NR2F1-AS1: variants seen among roughly 807,000 people sequenced by gnomAD.
The protein encoded by NR2F1-AS1 is NR2F1 regulatory antisense RNA 1.
intron 4 of NR2F1-AS1, among the ~76,000 whole-genome samples, chr5:93,494,629 T>C (rs1002192172): frequency 2.6e-5 from 4 of 152,006 alleles, no homozygotes; most frequent in Non-Finnish European, 4.4e-5. Context: ...GAAGAAAAAG[T>C]TGGCAACGAT....
chr5:93,444,753 C>T (rs1012687893), intron 4 of NR2F1-AS1, among the ~76,000 whole-genome samples: 12 of 152,190 alleles, frequency 7.9e-5, no homozygotes, highest in African/African-American at 2.7e-4. Flanking sequence ...ATACATTCTT[C>T]TCAGCACCAC....
rs1749070517 is a variant in NR2F1-AS1 at position 93,420,678 on chromosome 5, T to C, written n.639-25136A>G. ...GAGTCTAAACATAGTGATAGAGTCATGGACATAAGTGAATGTGGCCACCTC... is the reference window on the plus strand; with the variant it reads ...GAGTCTAAACATAGTGATAGAGTCACGGACATAAGTGAATGTGGCCACCTC... On this transcript the variant is annotated intron_variant and non_coding_transcript_variant, in intron 4 of 5. Transcript: ENST00000660523. Among the ~76,000 whole-genome samples the C allele has an allele frequency of 2.6e-5, 4 of 152,144 alleles. No homozygotes were observed. The South Asian group carries it at 8.3e-4, about 32-fold the overall frequency.
chr5:93,416,865 A>G (rs1278064958), intron 4 of NR2F1-AS1, among the ~76,000 whole-genome samples: 2 of 152,230 alleles, frequency 1.3e-5, no homozygotes, highest in Non-Finnish European at 2.9e-5. Context: ...TTTATTTAAA[A>G]AAAAAGTATT....
At chr5:93,433,968 A>G (rs1749380337) in intron 4 of NR2F1-AS1, among the ~76,000 whole-genome samples, 1 of 152,156 alleles carries the variant, frequency 6.6e-6, no homozygotes. Context: ...CAGAGCCCTC[A>G]GGCCAAGTGT....
At chr5:93,553,706 G>A (rs532438726) in intron 4 of NR2F1-AS1, 26 of 152,232 alleles carry the variant, frequency 1.7e-4, no homozygotes, top group African/African-American at 6.0e-4. Context: ...ATAATGCTGC[G>A]AAGATAAAAT....
chr5:93,452,419 C>T (rs1318323329), intron 4 of NR2F1-AS1, among the ~76,000 whole-genome samples: 1 of 152,160 alleles, frequency 6.6e-6, no homozygotes, highest in Non-Finnish European at 1.5e-5. Flanking sequence ...GACTGCAGAG[C>T]AGAATCCACA....
At position 93,465,295 on chromosome 5, in the gene NR2F1-AS1, C is replaced by T. The variant is rs1012967735; in HGVS notation, n.639-69753G>A. On this transcript the variant is annotated intron_variant and non_coding_transcript_variant, in intron 4 of 5. Transcript: ENST00000660523. ...TGAACAGACACTTCTCAAAAGAAGACATTTATGCAGCCAACAGACACATCA... is the reference window on the plus strand; with the variant it reads ...TGAACAGACACTTCTCAAAAGAAGATATTTATGCAGCCAACAGACACATCA... Among the ~76,000 whole-genome samples, 4 of 152,334 alleles carry T rather than the reference C, an allele frequency of 2.6e-5. No individual in the cohort carries two copies. In the South Asian group the frequency reaches 8.3e-4, roughly 32 times the overall value.
chr5:93,423,970 G>A (rs938846690), intron 4 of NR2F1-AS1, among the ~76,000 whole-genome samples: 1 of 151,920 alleles, frequency 6.6e-6, no homozygotes, highest in Non-Finnish European at 1.5e-5. Context: ...AAGGATTGAG[G>A]AGCAGTATAG....
chr5:93,472,119 T>C (rs1245646887), intron 4 of NR2F1-AS1, among the ~76,000 whole-genome samples: 2 of 151,816 alleles, frequency 1.3e-5, no homozygotes, highest in Non-Finnish European at 3.0e-5. Flanking sequence ...AGCTGGTAAA[T>C]AGTGTTGCTA....
chr5:93,466,397 C>T (rs1032163887), intron 4 of NR2F1-AS1, among the ~76,000 whole-genome samples: 2 of 151,518 alleles, frequency 1.3e-5, no homozygotes, highest in African/African-American at 4.9e-5. Context: ...CAGTGGCGCA[C>T]TCAATCTCAG....
intron 1 of NR2F1-AS1, among the ~76,000 whole-genome samples, chr5:93,572,122 C>A (rs1300699275): frequency 1.3e-5 from 2 of 152,242 alleles, no homozygotes; most frequent in East Asian, 3.9e-4. Context: ...GGGTTCTGGA[C>A]AGACTTGGTC....
At chr5:93,477,626 T>A (rs1159558003) in intron 4 of NR2F1-AS1, among the ~76,000 whole-genome samples, 2 of 152,194 alleles carry the variant, frequency 1.3e-5, no homozygotes, top group Non-Finnish European at 2.9e-5. Flanking sequence ...CCACTTTTAT[T>A]CACTCACATC....
chr5:93,524,273 T>C (rs993531390), intron 4 of NR2F1-AS1, among the ~76,000 whole-genome samples: 13 of 151,668 alleles, frequency 8.6e-5, no homozygotes, highest in African/African-American at 2.7e-4. Flanking sequence ...GAAGATCAAC[T>C]TAATGAAAGA....
chr5:93,582,786 A>G (rs73772908), upstream of NR2F1-AS1, among the ~76,000 whole-genome samples: 14 of 44,348 alleles, frequency 3.2e-4, no homozygotes, highest in South Asian at 7.6e-4. Flanking sequence ...GTGTGTGTGT[A>G]TGTGTGTGTG....
intron 4 of NR2F1-AS1, among the ~76,000 whole-genome samples, chr5:93,553,366 C>A (rs1752277504): frequency 6.6e-6 from 1 of 152,050 alleles, no homozygotes; most frequent in South Asian, 2.1e-4. Flanking sequence ...GGATTACAGG[C>A]ATAAGCTACC....
At chr5:93,573,200 G>A (rs1752816166) in intron 1 of NR2F1-AS1, among the ~76,000 whole-genome samples, 2 of 152,208 alleles carry the variant, frequency 1.3e-5, no homozygotes, top group Admixed American at 6.5e-5. Flanking sequence ...GGGGGAGAGG[G>A]CAAACTAGTG....
intron 4 of NR2F1-AS1, among the ~76,000 whole-genome samples, chr5:93,434,914 A>G (rs932157662): frequency 1.3e-5 from 2 of 152,242 alleles, no homozygotes; most frequent in African/African-American, 2.4e-5. Flanking sequence ...ATCAGGAAGT[A>G]CATGATATTG....
intron 4 of NR2F1-AS1, among the ~76,000 whole-genome samples, chr5:93,513,745 A>C (rs2149892058): frequency 6.6e-6 from 1 of 152,170 alleles, no homozygotes; most frequent in Middle Eastern, 3.4e-3. Flanking sequence ...CACATCCCAA[A>C]CCTCAGCATC....
At position 93,572,433 on chromosome 5, in the gene NR2F1-AS1, T is replaced by G. The variant is rs1475104096; in HGVS notation, n.313+8034A>C. 3.3e-5 allele frequency among the ~76,000 whole-genome samples: 5 copies of G among 152,208 alleles called. No homozygotes were observed. The East Asian group carries it at 5.8e-4, about 18-fold the overall frequency. ...GGGCAGAGCCCAGGGAGAAGCGACA[T>G]GCCCCCGGCTCCGTGCTCCTCTTCG... On this transcript the variant is annotated intron_variant and non_coding_transcript_variant, in intron 1 of 5. Coordinates refer to ENST00000660523, the Ensembl canonical transcript of NR2F1-AS1.
Sources: gnomAD v4.1 joint callset for allele counts (sites outside exome capture counted in the v4.1 genomes callset) on GRCh38, gnomAD v4.1.1 for gene constraint, MANE v1.5 for transcripts, NCBI Gene and HGNC (gene_info 2026-07-23, HGNC 2026-07-21) for gene names.